Variants in SP140 observed in about 807,000 individuals in gnomAD.
The protein encoded by SP140 is SP140 nuclear body protein.
In SP140, 81 loss-of-function variants were observed where a neutral mutation model predicts 125.0. The observed-to-expected ratio is 0.65, with a 90% CI of 0.54 to 0.78. The LOEUF is 0.78. Among genes scored for constraint, SP140 ranks in the 30% least tolerant of loss-of-function variants. SP140 has a pLI of 0.00. For synonymous variants in SP140, 312 were observed against 354.0 expected (o/e 0.88, Z 1.33); for missense variants, 858 against 1,037.0 (o/e 0.83, Z 2.37).
chr2:230,256,079 T>C (rs945216606), intron 12 of SP140, among the ~76,000 whole-genome samples: 1 of 152,232 alleles, frequency 6.6e-6, no homozygotes, highest in Non-Finnish European at 1.5e-5. Flanking sequence ...TTGGTGGGAC[T>C]GTAAACTAGT....
Position 230,255,543 on chromosome 2 carries a change from G to GCC in SP140, c.1240+11_1240+12insCC, listed in dbSNP as rs746960026. ...CAAGACGTGGGTCAGGTAAGGACGG[G>GCC]GGGGGGGATTTCTGGCCCTGGGCTG... is the stretch of plus-strand genomic sequence containing the variant. On this transcript the variant is annotated intron_variant, in intron 12 of 26. Coordinates refer to ENST00000392045, the MANE Select transcript of SP140 (RefSeq NM_007237.5). The GCC allele has an allele frequency of 6.2e-7, 1 of 1,604,990 alleles. No homozygotes were observed. The highest frequency in any genetic ancestry group is 8.5e-7 in the Non-Finnish European group (1 of 1,175,284).
chr2:230,192,567 C>T, the SP140 span, among the ~76,000 whole-genome samples: 6 of 152,240 alleles, frequency 3.9e-5, no homozygotes, highest in African/African-American at 1.4e-4. Flanking sequence ...CCTAGGAATA[C>T]AGCTAACAGA....
Position 230,292,779 on chromosome 2 carries a change from G to C in SP140, c.1959G>C (p.Trp653Cys). The C allele has an allele frequency of 3.1e-6, 5 of 1,614,050 alleles. No homozygotes were observed. The highest frequency in any genetic ancestry group is 4.2e-6 in the Non-Finnish European group (5 of 1,180,008). Reference protein sequence around the residue: ...SVRCGGWPLRWLMENGFLPDP... With the variant: ...SVRCGGWPLRCLMENGFLPDP... Reference sequence around the variant, plus strand: ...GCTGTGGCGGGTGGCCCCTACGATGGCTGATGGAGGTATTCCAATGACAAG... The same window carrying C: ...GCTGTGGCGGGTGGCCCCTACGATGCCTGATGGAGGTATTCCAATGACAAG... Residue 653 changes from tryptophan (W) to cysteine (C), a missense_variant, in exon 20 of 27, where the codon TGG (tryptophan) becomes TGC (cysteine). Transcript: ENST00000392045.
At position 230,245,692 on chromosome 2, in the gene SP140, G is replaced by A. The variant is rs116721604; in HGVS notation, c.665-171G>A. 7.7e-3 allele frequency among the ~76,000 whole-genome samples: 1,176 copies of A among 152,054 alleles called. 17 individuals are homozygous for A. Among genetic ancestry groups the A allele is most frequent in the African/African-American group, 0.026 (1,085 of 41,482 alleles). On this transcript the variant is annotated intron_variant, in intron 6 of 26. Coordinates refer to ENST00000392045, the MANE Select transcript of SP140 (RefSeq NM_007237.5). ...AAAGAAGGAGAGAGAGGGAGAGAGG[G>A]GAAAGGGGCCTGACAAGGTGCTAGA...
chr2:230,265,629 C>T (rs2052982218), intron 12 of SP140, among the ~76,000 whole-genome samples: 1 of 152,164 alleles, frequency 6.6e-6, no homozygotes, highest in Non-Finnish European at 1.5e-5. Context: ...GCTGCTTCCC[C>T]CTACACCTGT....
intron 11 of SP140, among the ~76,000 whole-genome samples, chr2:230,254,700 A>G (rs2050874413): frequency 6.6e-6 from 1 of 152,218 alleles, no homozygotes; most frequent in Non-Finnish European, 1.5e-5. Context: ...GCAAGATATC[A>G]ATCAGATCAT....
At chr2:230,313,303 G>A (rs1218900430), downstream of SP140, 1 of 152,308 alleles carries the variant, frequency 6.6e-6, no homozygotes, top group East Asian at 1.9e-4. Flanking sequence ...CCCCTGCAAA[G>A]CTGTTGGCAT....
chr2:230,196,256 C>A, the SP140 span, among the ~76,000 whole-genome samples: 496 of 152,192 alleles, frequency 3.3e-3, 3 homozygotes, highest in African/African-American at 0.011. Flanking sequence ...TACAAATACA[C>A]ACAAACCTGA....
At chr2:230,291,642 A>G (rs2057126384) in intron 19 of SP140, among the ~76,000 whole-genome samples, 1 of 152,252 alleles carries the variant, frequency 6.6e-6, no homozygotes, top group African/African-American at 2.4e-5. Flanking sequence ...GTATAGATAT[A>G]CCACACTTTG....
intron 12 of SP140, among the ~76,000 whole-genome samples, chr2:230,268,662 T>C (rs1236955741): frequency 1.3e-5 from 2 of 152,230 alleles, no homozygotes; most frequent in African/African-American, 4.8e-5. Flanking sequence ...TTGTATCTAA[T>C]TGTATACCCA....
At chr2:230,187,708 G>A in the SP140 span, among the ~76,000 whole-genome samples, 1 of 152,122 alleles carries the variant, frequency 6.6e-6, no homozygotes, top group Admixed American at 6.6e-5. Context: ...TCTTTTACAT[G>A]TGGCTAACCA....
chr2:230,284,555 G>A lies in SP140; in HGVS notation c.1564+144G>A, dbSNP rs1448411285. The A allele has an allele frequency of 2.4e-5, 15 of 632,054 alleles. No homozygotes were observed. The South Asian group carries it at 4.4e-4, about 19-fold the overall frequency. The allele number at this position is 632,054 out of a possible 1,614,324, so 39.2% of individuals were successfully genotyped here. On this transcript the variant is annotated intron_variant, in intron 16 of 26. Coordinates refer to ENST00000392045, the MANE Select transcript of SP140 (RefSeq NM_007237.5). ...ATGTAGACTAACAGGCTGTGACAAA[G>A]AGGCCTGAGAATGCAATGGCTTCAA...
rs761967750 is a variant in SP140 at position 230,292,670 on chromosome 2, C to T, written c.1850C>T (p.Thr617Ile). ...QQGILVKCIQ[T>I]EDGKWFTPTE... Reference sequence around the variant, plus strand: ...GGAATCTTGGTGAAGTGTATACAGACTGAGGATGGAAAATGGTTCACCCCC... The same window carrying T: ...GGAATCTTGGTGAAGTGTATACAGATTGAGGATGGAAAATGGTTCACCCCC... Residue 617 changes from threonine (T) to isoleucine (I), a missense_variant, in exon 20 of 27, where the codon ACT (threonine) becomes ATT (isoleucine). Physicochemically the swap from Thr to Ile is moderately conservative, Grantham distance 89 (BLOSUM62 -1). Around this residue, in one of 4 missense-constraint regions of SP140, gnomAD observed 791 missense variants for 869.5 expected, o/e 0.91. Coordinates refer to ENST00000392045, the MANE Select transcript of SP140 (RefSeq NM_007237.5). The T allele has an allele frequency of 5.0e-6, 8 of 1,614,016 alleles. No individual in the cohort carries two copies. In the East Asian group the frequency reaches 1.8e-4, roughly 36 times the overall value.
At chr2:230,280,374 G>A (rs926992625) in intron 15 of SP140, among the ~76,000 whole-genome samples, 8 of 152,024 alleles carry the variant, frequency 5.3e-5, no homozygotes, top group African/African-American at 1.9e-4. Context: ...TTTATGTGAT[G>A]CCCTTTTGTT....
At chr2:230,312,312 C>T (rs999282441) in intron 26 of SP140, among the ~76,000 whole-genome samples, 2 of 152,132 alleles carry the variant, frequency 1.3e-5, no homozygotes, top group African/African-American at 4.8e-5. Flanking sequence ...TTTCACACTT[C>T]AACATTGTTA....
Position 230,285,783 on chromosome 2 carries a change from C to T in SP140, c.1596C>T (p.Ser532=), listed in dbSNP as rs752158312. 21 of 1,613,832 alleles carry T rather than the reference C, an allele frequency of 1.3e-5. No homozygotes were observed. The highest frequency in any genetic ancestry group is 3.3e-5 in the Admixed American group (2 of 60,016). The stretch of plus-strand genomic sequence containing the variant: ...GCAAAGCCGACGGCCAGGTGGTCTC[C>T]AGTGAAAAGAAGGCGAACGTGAATC... ...DNSKADGQVV[S]SEKKANVNLK... The change falls in exon 17 of 27, where the codon TCC becomes TCT. Residue 532 remains serine, a synonymous_variant. Transcript: ENST00000392045.
intron 17 of SP140, among the ~76,000 whole-genome samples, 174 bp from the exon 18 acceptor site, chr2:230,287,718 C>T (rs541696056): frequency 2.0e-5 from 3 of 152,128 alleles, no homozygotes; most frequent in Admixed American, 2.0e-4. Flanking sequence ...ATAAAGTGAA[C>T]CTAACATTAG....
chr2:230,303,943 A>C (rs1042929712), intron 22 of SP140, among the ~76,000 whole-genome samples: 3 of 152,220 alleles, frequency 2.0e-5, no homozygotes, highest in African/African-American at 7.2e-5. Flanking sequence ...AGGGCATCCA[A>C]ATCAGTAAAG....
the SP140 span, among the ~76,000 whole-genome samples, chr2:230,196,956 G>A: frequency 1.7e-4 from 26 of 152,228 alleles, no homozygotes; most frequent in African/African-American, 6.0e-4. Context: ...TGGACATTTG[G>A]GTTGGTTCCA....
Sources: allele counts gnomAD v4.1 joint callset (sites outside exome capture counted in the v4.1 genomes callset), GRCh38; gene constraint gnomAD v4.1.1; regional missense constraint gnomAD v4.1.1; transcripts MANE v1.5; gene names NCBI Gene and HGNC (gene_info 2026-07-23, HGNC 2026-07-21).